The following DLG2 variants were observed in gnomAD, a reference collection of about 807,000 sequenced individuals.
The protein encoded by DLG2 is disks large homolog 2.
DLG2 carries 45 observed loss-of-function variants against 132.5 expected under a neutral mutation model. The observed-to-expected ratio is 0.34, with a 90% CI of 0.27 to 0.44. DLG2 has a LOEUF of 0.44. Among genes scored for constraint, DLG2 ranks in the 20% least tolerant of loss-of-function variants. The pLI is 1.00. For missense variants in DLG2, 1,045 were observed against 1,196.9 expected, an observed-to-expected ratio of 0.87 and a Z score of 1.87; for synonymous variants, 424 against 419.6, an observed-to-expected ratio of 1.01 and a Z score of -0.13.
intron 6 of DLG2, among the ~76,000 whole-genome samples, chr11:84,978,851 AG>A (rs1453077976): frequency 6.6e-6 from 1 of 152,212 alleles, no homozygotes; most frequent in Non-Finnish European, 1.5e-5. Flanking sequence ...GCACAGCAAA[AG>A]AAACTACCAT....
At chr11:85,590,816 A>G (rs1417247775) in intron 3 of DLG2, among the ~76,000 whole-genome samples, 1 of 152,162 alleles carries the variant, frequency 6.6e-6, no homozygotes, top group Non-Finnish European at 1.5e-5. Context: ...ATCATCACCA[A>G]ATTTTCACTT....
intron 7 of DLG2, chr11:84,273,275 C>G (rs1404799949): frequency 3.9e-6 from 3 of 773,394 alleles, no homozygotes; most frequent in Admixed American, 4.4e-5. Context: ...TGGTAACACT[C>G]AAACTGAGCT....
chr11:84,955,439 G>C (rs528882850), intron 6 of DLG2: 1 of 152,230 alleles, frequency 6.6e-6, no homozygotes, highest in East Asian at 1.9e-4. Flanking sequence ...CTCAGAATTT[G>C]TGCTCTTAAT....
At chr11:83,724,476 T>TGTGTGAGAGAGAGAGAGAGAGA (rs762050933) in intron 18 of DLG2, among the ~76,000 whole-genome samples, 4 of 118,226 alleles carry the variant, frequency 3.4e-5, no homozygotes, top group South Asian at 3.3e-4. Flanking sequence ...TGTGTGTGTG[T>TGTGTGAGAGAGAGAGAGAGAGA]GAGAGAGAGA....
At chr11:85,175,622 GC>G (rs1195740860) in intron 4 of DLG2, among the ~76,000 whole-genome samples, 2 of 152,048 alleles carry the variant, frequency 1.3e-5, no homozygotes, top group Non-Finnish European at 1.5e-5. Context: ...GGGCAAACAG[GC>G]AACAGAAGGA....
intron 10 of DLG2, among the ~76,000 whole-genome samples, chr11:84,092,505 T>C (rs2097107329): frequency 6.6e-6 from 1 of 152,212 alleles, no homozygotes; most frequent in Non-Finnish European, 1.5e-5. Context: ...ACCTTGGTCT[T>C]TGACTCCAAA....
chr11:83,966,612 C>T lies in DLG2; in HGVS notation c.1057-1144G>A, dbSNP rs149014703. On this transcript the variant is annotated intron_variant, in intron 12 of 27. Transcript: ENST00000376104. ...TACCTAGGTTATCCGTATCTGGCTA[C>T]TATATAAAAAAATAAATTTTGTTGT... is the stretch of plus-strand genomic sequence containing the variant. Among the ~76,000 whole-genome samples the T allele has an allele frequency of 2.0e-3, 304 of 151,984 alleles. 1 individual carries two copies. The highest frequency in any genetic ancestry group is 0.01 in the Middle Eastern group (3 of 294).
At chr11:83,466,079 A>T (rs141302995) in intron 26 of DLG2, among the ~76,000 whole-genome samples, 5 of 152,350 alleles carry the variant, frequency 3.3e-5, no homozygotes, top group Non-Finnish European at 7.3e-5. Context: ...GTGCACAGGT[A>T]TGAAGCTACT....
intron 12 of DLG2, among the ~76,000 whole-genome samples, chr11:83,978,241 C>T (rs2092454879): frequency 6.6e-6 from 1 of 151,430 alleles, no homozygotes; most frequent in Non-Finnish European, 1.5e-5. Flanking sequence ...AAGCACATAG[C>T]ATTTACCATG....
At position 83,668,867 on chromosome 11, in the gene DLG2, A is replaced by ATATTT. The variant is rs768513119; in HGVS notation, c.1826-35543_1826-35542insAAATA. On this transcript the variant is annotated intron_variant, in intron 18 of 27. Coordinates refer to ENST00000376104, the MANE Select transcript of DLG2 (RefSeq NM_001142699.3). Reference sequence around the variant, plus strand: ...CACACACACATATATATATATATATATTTTTTTTTTATGATAGACTATGAG... The same window carrying ATATTT: ...CACACACACATATATATATATATATATATTTTTTTTTTTTTATGATAGACTATGAG... Among the ~76,000 whole-genome samples, 560 of 110,390 alleles carry ATATTT rather than the reference A, an allele frequency of 5.1e-3. 49 individuals are homozygous for ATATTT. The highest frequency in any genetic ancestry group is 0.019 in the African/African-American group (526 of 28,186). The allele number at this position is 110,390 out of a possible 152,430, so 72.4% of individuals were successfully genotyped here.
rs139215118 is a variant in DLG2, at chr11:84,857,387, T to C, written c.357+254274A>G. On this transcript the variant is annotated intron_variant, in intron 6 of 27. Coordinates refer to ENST00000376104, the MANE Select transcript of DLG2 (RefSeq NM_001142699.3). The stretch of plus-strand genomic sequence containing the variant: ...TATGCAAAATAGCTAGCACAGTGAG[T>C]CCTCAGTGAGTAATTTGAATATATG... 2.6e-3 allele frequency among the ~76,000 whole-genome samples: 396 copies of C among 151,370 alleles called. 2 individuals carry two copies. The highest frequency in any genetic ancestry group is 9.4e-3 in the African/African-American group (386 of 41,258).
chr11:83,552,557 G>C (rs1186765583), intron 19 of DLG2, among the ~76,000 whole-genome samples: 2 of 152,050 alleles, frequency 1.3e-5, no homozygotes, highest in Admixed American at 1.3e-4. Flanking sequence ...GCAGAGGGGT[G>C]GTAGCACATC....
chr11:84,283,343 T>C (rs189633945), intron 7 of DLG2, among the ~76,000 whole-genome samples: 1 of 152,292 alleles, frequency 6.6e-6, no homozygotes, highest in East Asian at 1.9e-4. Flanking sequence ...TTTCTGTAAA[T>C]AGAGCCTGTG....
intron 6 of DLG2, among the ~76,000 whole-genome samples, chr11:85,018,328 A>G (rs900571612): frequency 2.6e-5 from 4 of 152,180 alleles, no homozygotes; most frequent in African/African-American, 9.7e-5. Context: ...ATCACTGATA[A>G]TCGCAGTCAA....
chr11:83,686,254 G>C (rs751135757), intron 18 of DLG2, among the ~76,000 whole-genome samples: 1 of 152,186 alleles, frequency 6.6e-6, no homozygotes, highest in Non-Finnish European at 1.5e-5. Context: ...AATTCCATCT[G>C]CTCAAGTGTC....
chr11:84,102,529 G>C (rs1275458817), intron 9 of DLG2, among the ~76,000 whole-genome samples: 1 of 152,168 alleles, frequency 6.6e-6, no homozygotes. Context: ...CATTCAAACT[G>C]TGGTGCAGCT....
intron 4 of DLG2, among the ~76,000 whole-genome samples, chr11:85,259,891 G>A (rs2076854653): frequency 6.6e-6 from 1 of 151,962 alleles, no homozygotes; most frequent in Admixed American, 6.6e-5. Context: ...TACATTTCCT[G>A]TACCTAACAC....
chr11:84,026,272 A>C lies in DLG2; in HGVS notation c.919+33043T>G, dbSNP rs2095532266. Among the ~76,000 whole-genome samples the C allele has an allele frequency of 2.6e-5, 4 of 152,114 alleles. 1 individual carries two copies. The South Asian group carries it at 8.3e-4, about 31-fold the overall frequency. On this transcript the variant is annotated intron_variant, in intron 11 of 27. Transcript: ENST00000376104. Reference sequence around the variant, plus strand: ...CACTGAAGTGACACAAATACTGTGCATTTAAAGGAGTCGTGCCTGGTTTGG... The same window carrying C: ...CACTGAAGTGACACAAATACTGTGCCTTTAAAGGAGTCGTGCCTGGTTTGG...
chr11:85,038,173 A>G lies in DLG2; in HGVS notation c.357+73488T>C, dbSNP rs551781975. Among the ~76,000 whole-genome samples the G allele has an allele frequency of 2.6e-5, 4 of 152,220 alleles. No homozygotes were observed. The East Asian group carries it at 7.7e-4, about 29-fold the overall frequency. ...CTCATGATTCAGTTCACATTAGAGG[A>G]GAATAAAGATCTCTCTTTCTCACAA... On this transcript the variant is annotated intron_variant, in intron 6 of 27. Coordinates refer to ENST00000376104, the MANE Select transcript of DLG2 (RefSeq NM_001142699.3).
Sources: gnomAD v4.1 joint callset for allele counts (sites outside exome capture counted in the v4.1 genomes callset) on GRCh38, gnomAD v4.1.1 for gene constraint, MANE v1.5 for transcripts, NCBI Gene and HGNC (gene_info 2026-07-23, HGNC 2026-07-21) for gene names.